The following COX11 variants were observed in gnomAD, a reference collection of about 807,000 sequenced individuals.
COX11 encodes cytochrome c oxidase copper chaperone COX11.
Under a neutral mutation model 29.4 loss-of-function variants are expected in COX11, and 18 were observed. The observed-to-expected ratio is 0.61, with a 90% CI of 0.42 to 0.91. The LOEUF is 0.91. COX11 is among the 40% of genes least tolerant of loss of function. The pLI, the probability that COX11 is intolerant of heterozygous loss-of-function variation, is 0.00. For synonymous variants in COX11, 131 were observed against 124.0 expected (o/e 1.06, Z -0.38); for missense variants, 312 against 346.0 (o/e 0.90, Z 0.78).
At chr17:54,963,736 T>C (rs1419761500) in intron 2 of COX11, among the ~76,000 whole-genome samples, 3 of 152,106 alleles carry the variant, frequency 2.0e-5, no homozygotes, top group Non-Finnish European at 4.4e-5. Flanking sequence ...TCCAAGCCAA[T>C]CATATCACAG....
In COX11 at chr17:54,961,255, C is replaced by A; in HGVS notation, c.*1478G>T. 1 of 1,549,498 alleles carries A rather than the reference C, an allele frequency of 6.5e-7. No individual in the cohort carries two copies. Among genetic ancestry groups the A allele is most frequent in the South Asian group, 1.2e-5 (1 of 84,020 alleles). ...TTTAGAAGAAAGTGGATGATCAGCTCACTACCACATCAAAGGTGCCAACTC... is the reference window on the plus strand; with the variant it reads ...TTTAGAAGAAAGTGGATGATCAGCTAACTACCACATCAAAGGTGCCAACTC... On this transcript the variant is annotated 3_prime_UTR_variant, in exon 4 of 4. Coordinates refer to ENST00000299335, the MANE Select transcript of COX11 (RefSeq NM_004375.5).
chr17:54,963,791 TTGAC>T (rs1052436178), intron 2 of COX11, among the ~76,000 whole-genome samples: 6 of 152,062 alleles, frequency 3.9e-5, no homozygotes, highest in African/African-American at 1.4e-4. Context: ...AATGTCATGA[TTGAC>T]TATTTTTTTT....
intron 2 of COX11, 149 bp from the exon 3 acceptor site, chr17:54,963,580 C>G (rs1025157750): frequency 1.4e-6 from 1 of 725,308 alleles, no homozygotes; most frequent in African/African-American, 1.9e-5. Flanking sequence ...GTGAATATTA[C>G]CCATAAACAT....
At chr17:54,963,167 T>C (rs777741040) in intron 3 of COX11, 139 bp downstream of exon 3, 340 of 961,102 alleles carry the variant, frequency 3.5e-4, no homozygotes, top group Non-Finnish European at 4.9e-4. Flanking sequence ...ATAGCAGGTA[T>C]AGATAGTGAA....
At chr17:54,952,940 A>C (rs1567843969) in exon 1 of COX11, 1 of 152,246 alleles carries the variant, frequency 6.6e-6, no homozygotes, top group South Asian at 2.1e-4. Flanking sequence ...AGAATGAGTG[A>C]AAGTTTTAGA....
At chr17:54,957,422 T>A (rs189493493), downstream of COX11, 7 of 152,244 alleles carry the variant, frequency 4.6e-5, no homozygotes, top group Admixed American at 4.6e-4. Flanking sequence ...AACGTTTTTT[T>A]AATCAGTTTC....
At chr17:54,967,042 GCACACACA>G (rs71159276) in intron 1 of COX11, among the ~76,000 whole-genome samples, 190 of 96,120 alleles carry the variant, frequency 2.0e-3, no homozygotes, top group African/African-American at 4.2e-3. Context: ...GCGCGCGCGC[GCACACACA>G]CACACACACA....
In COX11 at chr17:54,962,504, T is replaced by C. The variant is rs988531367; in HGVS notation, c.*229A>G. 35 of 1,182,068 alleles carry C rather than the reference T, an allele frequency of 3.0e-5. No individual in the cohort carries two copies. Among genetic ancestry groups the C allele is most frequent in the Non-Finnish European group, 3.3e-5 (32 of 957,632 alleles). The allele number at this position is 1,182,068 out of a possible 1,614,324, so 73.2% of individuals were successfully genotyped here. A position where few individuals can be genotyped will look rare whatever the true frequency, so the allele number is the denominator to read the frequency against. ...GGCTTATTTTAATAGTATCAAACTC[T>C]TCAGTATGGTATTGAATAGTCAGTC... is the stretch of plus-strand genomic sequence containing the variant. On this transcript the variant is annotated 3_prime_UTR_variant, in exon 4 of 4. Coordinates refer to ENST00000299335, the MANE Select transcript of COX11 (RefSeq NM_004375.5).
intron 1 of COX11, among the ~76,000 whole-genome samples, chr17:54,967,596 A>T (rs575911778): frequency 1.6e-5 from 1 of 61,436 alleles, no homozygotes; most frequent in Non-Finnish European, 3.4e-5. Context: ...TCCCCGCCCC[A>T]CCCCCCCACC....
At chr17:54,968,738 G>C, upstream of COX11, 1 of 1,444,530 alleles carries the variant, frequency 6.9e-7, no homozygotes. Flanking sequence ...GGTTGAGCCT[G>C]CCGCTGCCTT....
downstream of COX11, among the ~76,000 whole-genome samples, chr17:54,958,698 C>CT (rs2077019666): frequency 7.8e-6 from 1 of 127,734 alleles, no homozygotes; most frequent in African/African-American, 3.0e-5. Context: ...CTATTGCACT[C>CT]TAGCGTGGGC....
chr17:54,957,074 G>A (rs936584396), downstream of COX11: 1 of 152,212 alleles, frequency 6.6e-6, no homozygotes, highest in African/African-American at 2.4e-5. Context: ...ATTCCACACA[G>A]GGTTTGGGGA....
Position 54,960,523 on chromosome 17 carries a change from G to T in COX11, c.*2210C>A, listed in dbSNP as rs1325115509. On this transcript the variant is annotated 3_prime_UTR_variant, in exon 4 of 4. Transcript: ENST00000299335. ...CAGTTAAAAACCAAAATAGCACTTT[G>T]AAATTGATACATAACCCTTTTGCTG... The T allele has an allele frequency of 4.5e-6, 7 of 1,546,860 alleles. No homozygotes were observed. The highest frequency in any genetic ancestry group is 2.0e-4 in the Middle Eastern group (1 of 4,994).
exon 1 of COX11, chr17:54,953,266 G>C (rs1168743924): frequency 6.6e-6 from 1 of 152,506 alleles, no homozygotes; most frequent in Non-Finnish European, 1.5e-5. Context: ...CTACTTGAGA[G>C]GCTAAGGTGG....
At chr17:54,952,072 G>A (rs2049261731) in exon 1 of COX11, 1 of 152,154 alleles carries the variant, frequency 6.6e-6, no homozygotes, top group Admixed American at 6.5e-5. Flanking sequence ...GGGTCTCCCA[G>A]GATAGGTTGC....
Position 54,962,493 on chromosome 17 carries a change from G to C in COX11, c.*240C>G. ...AAAAACAAAGCGGCTTATTTTAATA[G>C]TATCAAACTCTTCAGTATGGTATTG... On this transcript the variant is annotated 3_prime_UTR_variant, in exon 4 of 4. Transcript: ENST00000299335. 1.1e-5 allele frequency: 13 copies of C among 1,137,758 alleles called. No individual in the cohort carries two copies. Among genetic ancestry groups the C allele is most frequent in the African/African-American group, 1.6e-5 (1 of 61,390 alleles). 70.5% of individuals were successfully genotyped at this position (1,137,758 alleles called of 1,614,324 possible).
chr17:54,955,530 T>C (rs1598077228), downstream of COX11, among the ~76,000 whole-genome samples: 1 of 152,138 alleles, frequency 6.6e-6, no homozygotes, highest in East Asian at 1.9e-4. Context: ...TGCCACAGAC[T>C]AAGGGTAGAA....
At position 54,963,381 on chromosome 17, in the gene COX11, A is replaced by G. The variant is rs1183848569; in HGVS notation, c.573T>C (p.Thr191=). The change falls in exon 3 of 4, where the codon ACT becomes ACC. Residue 191 remains threonine, a synonymous_variant. Transcript: ENST00000299335. Reference sequence around the variant, plus strand: ...TAGAAATTCCAATTACTGGTTTGTCAGTAGGATTCTTAGCTCTGTAAAACG... The same window carrying G: ...TAGAAATTCCAATTACTGGTTTGTCGGTAGGATTCTTAGCTCTGTAAAACG... ...ALAFYRAKNP[T]DKPVIGISTY... 1 of 1,612,428 alleles carries G rather than the reference A, an allele frequency of 6.2e-7. No homozygotes were observed. The highest frequency in any genetic ancestry group is 8.5e-7 in the Non-Finnish European group (1 of 1,179,202).
At chr17:54,952,102 A>G (rs1208668189) in exon 1 of COX11, 1 of 152,148 alleles carries the variant, frequency 6.6e-6, no homozygotes, top group Non-Finnish European at 1.5e-5. Context: ...TACAGTTGAA[A>G]TTTTTCTAAT....
Sources: allele counts gnomAD v4.1 joint callset (sites outside exome capture counted in the v4.1 genomes callset), GRCh38; gene constraint gnomAD v4.1.1; transcripts MANE v1.5; gene names NCBI Gene and HGNC (gene_info 2026-07-23, HGNC 2026-07-21).